Variants in PRTN3 observed in about 807,000 individuals in gnomAD.
The protein encoded by PRTN3 is myeloblastin.
PRTN3 carries 22 observed loss-of-function variants against 20.7 expected under a neutral mutation model. The observed-to-expected ratio is 1.06, with a 90% CI of 0.76 to 1.52. The LOEUF (loss-of-function observed/expected upper bound fraction) is 1.52, where lower values mean the gene tolerates loss of function less well. Ranked by LOEUF, PRTN3 falls within the 40% of genes most tolerant of loss-of-function variation. PRTN3 has a pLI of 0.00. For missense variants in PRTN3, 378 were observed against 359.6 expected (o/e 1.05, Z -0.41); for synonymous variants, 173 against 152.9 (o/e 1.13, Z -0.97).
intron 4 of PRTN3, among the ~76,000 whole-genome samples, chr19:846,585 G>A (rs1461091293): frequency 6.6e-6 from 1 of 152,150 alleles, no homozygotes; most frequent in Non-Finnish European, 1.5e-5. Context: ...TGGGTCTGGG[G>A]GTTCCCTGCC....
chr19:843,502 C>T lies in PRTN3; in HGVS notation c.103C>T (p.Gln35Ter). The change falls in exon 2 of 5, where the codon CAG (glutamine) becomes TAG (stop). Residue 35 changes from glutamine to a stop codon, truncating the protein, a stop_gained. Transcript: ENST00000234347. LOFTEE classifies it high-confidence loss of function. ...GGAGATCGTGGGCGGGCACGAGGCG[C>T]AGCCACACTCCCGGCCCTACATGGC... is the stretch of plus-strand genomic sequence containing the variant. ...AAEIVGGHEA[Q>*]PHSRPYMASL... 6.3e-7 allele frequency: 1 copy of T among 1,585,366 alleles called. No homozygotes were observed. Among genetic ancestry groups the T allele is most frequent in the South Asian group, 1.1e-5 (1 of 87,844 alleles).
chr19:846,296 C>A lies in PRTN3; in HGVS notation c.519C>A (p.Leu173=). 1 of 1,593,534 alleles carries A rather than the reference C, an allele frequency of 6.3e-7. No individual in the cohort carries two copies. The highest frequency in any genetic ancestry group is 2.3e-5 in the East Asian group (1 of 43,256). The change falls in exon 4 of 5, where the codon CTC becomes CTA. Residue 173 remains leucine, a synonymous_variant. Coordinates refer to ENST00000234347, the MANE Select transcript of PRTN3 (RefSeq NM_002777.4). ...CCCCAGCCCAGGTCCTGCAGGAGCT[C>A]AATGTCACCGTGGTCACCTTCTTCT... The part of the protein sequence containing the change: ...HDPPAQVLQE[L]NVTVVTFFCR...
Position 846,765 on chromosome 19 carries a change from C to T in PRTN3, c.600+388C>T, listed in dbSNP as rs1004814983. Among the ~76,000 whole-genome samples, 41 of 145,696 alleles carry T rather than the reference C, an allele frequency of 2.8e-4. 1 individual carries two copies. Among genetic ancestry groups the T allele is most frequent in the East Asian group, 1.2e-3 (6 of 5,012 alleles). On this transcript the variant is annotated intron_variant, in intron 4 of 4. Transcript: ENST00000234347. ...TCACACTTTTTGTTTGTTTTTGAGA[C>T]GGAGTGTCGCTCTGTTGTCCAGGCT...
chr19:843,456 T>A lies in PRTN3; in HGVS notation c.62-5T>A. On this transcript the variant is annotated splice_region_variant and splice_polypyrimidine_tract_variant and intron_variant, in intron 1 of 4. Coordinates refer to ENST00000234347, the MANE Select transcript of PRTN3 (RefSeq NM_002777.4). Reference sequence around the variant, plus strand: ...CTCCCTGACGCCTGGACTCCCCCCCTGCAGGTGCTGCCCGAGCTGCGGAGA... The same window carrying A: ...CTCCCTGACGCCTGGACTCCCCCCCAGCAGGTGCTGCCCGAGCTGCGGAGA... The A allele has an allele frequency of 1.9e-6, 3 of 1,555,128 alleles. No individual in the cohort carries two copies. The highest frequency in any genetic ancestry group is 2.6e-6 in the Non-Finnish European group (3 of 1,155,260).
At chr19:846,653 G>A (rs1007465798) in intron 4 of PRTN3, among the ~76,000 whole-genome samples, 4 of 152,190 alleles carry the variant, frequency 2.6e-5, no homozygotes, top group South Asian at 4.1e-4. Flanking sequence ...CCTCACCGGC[G>A]GCCCCTTCCA....
Position 848,164 on chromosome 19 carries a change from C to T in PRTN3, c.*195C>T, listed in dbSNP as rs1406430449. 4.7e-6 allele frequency: 3 copies of T among 644,074 alleles called. No homozygotes were observed. Among genetic ancestry groups the T allele is most frequent in the South Asian group, 2.1e-5 (1 of 47,544 alleles). 39.9% of individuals were successfully genotyped at this position (644,074 alleles called of 1,614,324 possible). On this transcript the variant is annotated 3_prime_UTR_variant, in exon 5 of 5. Transcript: ENST00000234347. ...CTCACCCCACCGTGACCTCAATAAA[C>T]GTTGAAACTCCCCCTGGCTCCTGTC...
intron 1 of PRTN3, among the ~76,000 whole-genome samples, chr19:843,154 G>A (rs1184813389): frequency 6.6e-6 from 1 of 152,228 alleles, no homozygotes; most frequent in East Asian, 1.9e-4. Context: ...GAGCTCAAGG[G>A]AGCCTCCTGC....
intron 3 of PRTN3, among the ~76,000 whole-genome samples, 193 bp from the exon 4 acceptor site, chr19:845,954 A>G (rs2035510159): frequency 6.6e-6 from 1 of 152,130 alleles, no homozygotes; most frequent in African/African-American, 2.4e-5. Context: ...ATCTCAAAAG[A>G]AAGAAAGAAG....
At chr19:841,821 G>A (rs2035445401) in intron 1 of PRTN3, among the ~76,000 whole-genome samples, 1 of 138,490 alleles carries the variant, frequency 7.2e-6, no homozygotes, top group Admixed American at 7.7e-5. Flanking sequence ...TCAGCCTCCC[G>A]GGTTCACGCC....
At chr19:844,968 G>T (rs1189784031) in intron 3 of PRTN3, among the ~76,000 whole-genome samples, 2 of 57,640 alleles carry the variant, frequency 3.5e-5, no homozygotes, top group African/African-American at 1.1e-4. Flanking sequence ...TTTTTTTTTA[G>T]ACAGAGTCTC....
At position 846,261 on chromosome 19, in the gene PRTN3, G is replaced by A. The variant is rs755122591; in HGVS notation, c.484G>A (p.Ala162Thr). The stretch of plus-strand genomic sequence containing the variant: ...GGCCATGGGCTGGGGCCGCGTGGGT[G>A]CCCACGACCCCCCAGCCCAGGTCCT... ...CLAMGWGRVG[A>T]HDPPAQVLQE... is the part of the protein sequence containing the mutation. The change falls in exon 4 of 5, where the codon GCC becomes ACC. Residue 162 changes from alanine to threonine, a missense_variant. Coordinates refer to ENST00000234347, the MANE Select transcript of PRTN3 (RefSeq NM_002777.4). 5 of 1,570,914 alleles carry A rather than the reference G, an allele frequency of 3.2e-6. No homozygotes were observed. The highest frequency in any genetic ancestry group is 1.4e-5 in the African/African-American group (1 of 73,552).
At chr19:845,223 T>C (rs577758704) in intron 3 of PRTN3, among the ~76,000 whole-genome samples, 17 of 151,758 alleles carry the variant, frequency 1.1e-4, no homozygotes, top group Non-Finnish European at 2.4e-4. Flanking sequence ...GCTGGGATTA[T>C]AGGAGAGAGC....
intron 2 of PRTN3, 54 bp from the exon 3 acceptor site, chr19:843,839 G>T: frequency 6.5e-7 from 1 of 1,530,448 alleles, no homozygotes; most frequent in African/African-American, 1.4e-5. Flanking sequence ...AGGGCCGGCT[G>T]TGGGCGGCGG....
intron 1 of PRTN3, 47 bp downstream of exon 1, chr19:841,116 A>C (rs922270488): frequency 6.3e-7 from 1 of 1,588,052 alleles, no homozygotes; most frequent in Non-Finnish European, 8.5e-7. Flanking sequence ...GCCCCGGTGG[A>C]TTGTGGGGAA....
At chr19:843,303 C>T in intron 1 of PRTN3, 158 bp from the exon 2 acceptor site, 3 of 700,764 alleles carry the variant, frequency 4.3e-6, no homozygotes, top group South Asian at 2.0e-5. Flanking sequence ...AATTATAACC[C>T]CCCCGGCCTG....
Position 843,464 on chromosome 19 carries a change from C to T in PRTN3, c.65C>T (p.Ala22Val), listed in dbSNP as rs763201970. 184 of 1,561,478 alleles carry T rather than the reference C, an allele frequency of 1.2e-4. No individual in the cohort carries two copies. The highest frequency in any genetic ancestry group is 7.4e-5 in the Non-Finnish European group (86 of 1,158,418). ...CGCCTGGACTCCCCCCCTGCAGGTG[C>T]TGCCCGAGCTGCGGAGATCGTGGGC... The part of the protein sequence containing the change: ...SVLLALLLSG[A>V]ARAAEIVGGH... The change falls in exon 2 of 5, where the codon GCT becomes GTT. Residue 22 changes from alanine to valine, a missense_variant. Physicochemically the swap from Ala to Val is moderately conservative, Grantham distance 64. Coordinates refer to ENST00000234347, the MANE Select transcript of PRTN3 (RefSeq NM_002777.4).
chr19:847,929 G>A lies in PRTN3; in HGVS notation c.731G>A (p.Arg244His), dbSNP rs369029250. Residue 244 changes from arginine to histidine, a missense_variant, in exon 5 of 5, where the codon CGT becomes CAT. By Grantham distance (29) the Arg-to-His change is conservative. Coordinates refer to ENST00000234347, the MANE Select transcript of PRTN3 (RefSeq NM_002777.4). The part of the protein sequence containing the change: ...TRVALYVDWI[R>H]STLRRVEAKG... ...GTAGCCCTCTACGTGGACTGGATCC[G>A]TTCCACGCTGCGCCGTGTGGAGGCC... 236 of 1,606,782 alleles carry A rather than the reference G, an allele frequency of 1.5e-4. No individual in the cohort carries two copies. The East Asian group carries it at 2.7e-3, about 19-fold the overall frequency.
At position 847,944 on chromosome 19, in the gene PRTN3, G is replaced by C. The variant is rs150802678; in HGVS notation, c.746G>C (p.Arg249Pro). 1 of 1,604,078 alleles carries C rather than the reference G, an allele frequency of 6.2e-7. No homozygotes were observed. The highest frequency in any genetic ancestry group is 1.3e-5 in the African/African-American group (1 of 74,826). The change falls in exon 5 of 5, where the codon CGT becomes CCT. Residue 249 changes from arginine to proline, a missense_variant. Transcript: ENST00000234347. Reference sequence around the variant, plus strand: ...GACTGGATCCGTTCCACGCTGCGCCGTGTGGAGGCCAAGGGCCGCCCCTGA... The same window carrying C: ...GACTGGATCCGTTCCACGCTGCGCCCTGTGGAGGCCAAGGGCCGCCCCTGA... ...YVDWIRSTLR[R>P]VEAKGRP
At chr19:842,415 T>TTTTTTC (rs2035457713) in intron 1 of PRTN3, among the ~76,000 whole-genome samples, 1 of 77,648 alleles carries the variant, frequency 1.3e-5, no homozygotes, top group Non-Finnish European at 2.2e-5. Flanking sequence ...CGCCCAGGAT[T>TTTTTTC]TTTTTTTTTT....
Sources: gnomAD v4.1 joint callset for allele counts (sites outside exome capture counted in the v4.1 genomes callset) on GRCh38, gnomAD v4.1.1 for gene constraint, MANE v1.5 for transcripts, NCBI Gene and HGNC (gene_info 2026-07-23, HGNC 2026-07-21) for gene names.